The following PRR16 variants were observed in gnomAD, a reference collection of about 807,000 sequenced individuals.
The protein encoded by PRR16 is protein Largen.
Under a neutral mutation model 18.2 loss-of-function variants are expected in PRR16, and 6 were observed. That is an observed-to-expected ratio of 0.33 (90% CI 0.18 to 0.65). The LOEUF (loss-of-function observed/expected upper bound fraction) is 0.65. Among genes scored for constraint, PRR16 ranks in the 30% least tolerant of loss-of-function variants. The pLI, the probability that PRR16 is intolerant of heterozygous loss-of-function variation, is 0.74. For synonymous variants in PRR16, 151 were observed against 147.8 expected (o/e 1.02, Z -0.16); for missense variants, 412 against 376.6 (o/e 1.09, Z -0.78).
chr5:120,569,244 T>C (rs2112732064), intron 1 of PRR16, among the ~76,000 whole-genome samples: 1 of 152,328 alleles, frequency 6.6e-6, no homozygotes, highest in East Asian at 1.9e-4. Flanking sequence ...TAAAAATGTG[T>C]GCTTTCATAA....
chr5:120,785,569 G>GTTTTTTTTTTTTTTTTT, the PRR16 span, among the ~76,000 whole-genome samples: 4 of 99,650 alleles, frequency 4.0e-5, no homozygotes, highest in East Asian at 4.6e-4. Flanking sequence ...GTGTTTTGTT[G>GTTTTTTTTTTTTTTTTT]TTGTTGTTTT....
At chr5:120,573,347 A>G (rs949412953) in intron 1 of PRR16, among the ~76,000 whole-genome samples, 12 of 152,190 alleles carry the variant, frequency 7.9e-5, no homozygotes, top group African/African-American at 2.9e-4. Flanking sequence ...AGAGGAATAA[A>G]TTCCAGTGTT....
intron 1 of PRR16, among the ~76,000 whole-genome samples, chr5:120,609,123 A>G (rs985792940): frequency 1.3e-5 from 2 of 152,022 alleles, no homozygotes; most frequent in African/African-American, 4.8e-5. Context: ...ATACTCCCAC[A>G]TACCCTGCAG....
At chr5:120,755,356 A>G in the PRR16 span, among the ~76,000 whole-genome samples, 2 of 152,058 alleles carry the variant, frequency 1.3e-5, no homozygotes, top group Admixed American at 6.6e-5. Flanking sequence ...ATAGTATCCA[A>G]TACCTAGTTT....
intron 1 of PRR16, among the ~76,000 whole-genome samples, chr5:120,515,985 C>T (rs1270030660): frequency 6.6e-6 from 1 of 152,022 alleles, no homozygotes; most frequent in Non-Finnish European, 1.5e-5. Flanking sequence ...TTTTCTTTTT[C>T]TATATTGACA....
chr5:120,648,319 T>C (rs1307327372), intron 1 of PRR16, among the ~76,000 whole-genome samples: 1 of 152,136 alleles, frequency 6.6e-6, no homozygotes, highest in Non-Finnish European at 1.5e-5. Flanking sequence ...TCACTGTTCA[T>C]AACTCTGTAA....
the PRR16 span, among the ~76,000 whole-genome samples, chr5:120,751,007 T>C: frequency 6.6e-6 from 1 of 152,176 alleles, no homozygotes; most frequent in Non-Finnish European, 1.5e-5. Flanking sequence ...ATCATTTTTT[T>C]AGCTTCCATA....
intron 1 of PRR16, among the ~76,000 whole-genome samples, chr5:120,542,841 AAGATAG>A (rs1751958068): frequency 6.6e-6 from 1 of 152,152 alleles, no homozygotes; most frequent in Middle Eastern, 3.2e-3. Flanking sequence ...GACGACACCT[AAGATAG>A]TGTTTATATT....
chr5:120,586,500 C>T (rs927145989), intron 1 of PRR16, among the ~76,000 whole-genome samples: 3 of 151,858 alleles, frequency 2.0e-5, no homozygotes, highest in Non-Finnish European at 4.4e-5. Context: ...TTTCTAACAG[C>T]GTGTGCTTAC....
chr5:120,638,104 A>G (rs1316369896), intron 1 of PRR16, among the ~76,000 whole-genome samples: 1 of 152,132 alleles, frequency 6.6e-6, no homozygotes, highest in African/African-American at 2.4e-5. Context: ...GCCTGGAGGT[A>G]ATGCTATACA....
chr5:120,641,405 T>G (rs544463687), intron 1 of PRR16, among the ~76,000 whole-genome samples: 1 of 152,220 alleles, frequency 6.6e-6, no homozygotes, highest in South Asian at 2.1e-4. Context: ...AAGTACTGTA[T>G]AGTTTCTAAG....
the PRR16 span, among the ~76,000 whole-genome samples, chr5:120,763,667 A>G: frequency 1.3e-5 from 2 of 152,030 alleles, no homozygotes; most frequent in African/African-American, 4.8e-5. Flanking sequence ...TAACAATATT[A>G]ATTCTTCCAA....
At chr5:120,610,664 G>A (rs778308156) in intron 1 of PRR16, among the ~76,000 whole-genome samples, 61 of 152,194 alleles carry the variant, frequency 4.0e-4, no homozygotes, top group Middle Eastern at 6.8e-3. Context: ...TGTAAGAAGT[G>A]CCCTTCACCT....
At chr5:120,581,150 A>G (rs1357941936) in intron 1 of PRR16, among the ~76,000 whole-genome samples, 1 of 152,038 alleles carries the variant, frequency 6.6e-6, no homozygotes, top group African/African-American at 2.4e-5. Flanking sequence ...CCGTCTGGTC[A>G]GGGGCTTTTT....
chr5:120,613,682 A>G (rs1230865893), intron 1 of PRR16, among the ~76,000 whole-genome samples: 1 of 152,136 alleles, frequency 6.6e-6, no homozygotes, highest in Admixed American at 6.6e-5. Context: ...GCATACTTAT[A>G]TTCTAGTACT....
intron 1 of PRR16, among the ~76,000 whole-genome samples, chr5:120,485,913 C>A (rs1749783308): frequency 6.6e-6 from 1 of 152,030 alleles, no homozygotes; most frequent in Non-Finnish European, 1.5e-5. Context: ...GGTTTTTTGT[C>A]CTTGTGATAG....
At chr5:120,474,310 A>C (rs773944747) in intron 1 of PRR16, among the ~76,000 whole-genome samples, 2 of 152,054 alleles carry the variant, frequency 1.3e-5, no homozygotes, top group African/African-American at 4.8e-5. Flanking sequence ...TGTCCTGTGC[A>C]TTGTAGGATG....
At chr5:120,688,038 T>C (rs1266441291), downstream of PRR16, among the ~76,000 whole-genome samples, 1 of 152,240 alleles carries the variant, frequency 6.6e-6, no homozygotes, top group Non-Finnish European at 1.5e-5. Flanking sequence ...AATGTATTTA[T>C]GGCATAACTT....
the PRR16 span, among the ~76,000 whole-genome samples, chr5:120,704,095 GC>G: frequency 6.6e-6 from 1 of 152,162 alleles, no homozygotes; most frequent in South Asian, 2.1e-4. Context: ...TAAGAAAGAA[GC>G]TTTCTCTTAA....
Sources: gnomAD v4.1 joint callset for allele counts (sites outside exome capture counted in the v4.1 genomes callset) on GRCh38, gnomAD v4.1.1 for gene constraint, MANE v1.5 for transcripts, NCBI Gene and HGNC (gene_info 2026-07-23, HGNC 2026-07-21) for gene names.